The following CEP76 variants were observed in gnomAD, a reference collection of about 807,000 sequenced individuals.
CEP76 encodes the protein centrosomal protein of 76 kDa.
A neutral mutation model predicts 83.3 loss-of-function variants in CEP76; 55 were observed. The ratio of observed to expected loss-of-function variants is 0.66; its 90% CI spans 0.53 to 0.83. The LOEUF is 0.83. Ranked by LOEUF, CEP76 falls within the 40% of genes least tolerant of loss-of-function variation. CEP76 has a pLI of 0.00. For missense variants in CEP76, 694 were observed against 799.5 expected, an observed-to-expected ratio of 0.87 and a Z score of 1.59; for synonymous variants, 270 against 274.5, an observed-to-expected ratio of 0.98 and a Z score of 0.16.
chr18:12,698,263 CTG>C (rs2040029815), intron 4 of CEP76, among the ~76,000 whole-genome samples: 1 of 151,944 alleles, frequency 6.6e-6, no homozygotes, highest in Non-Finnish European at 1.5e-5. Context: ...GAGTCTCACT[CTG>C]TTGCCCAGGC....
intron 7 of CEP76, 133 bp from the exon 8 acceptor site, chr18:12,686,583 G>T: frequency 1.6e-6 from 1 of 644,056 alleles, no homozygotes; most frequent in Non-Finnish European, 2.6e-6. Context: ...TCCAGTATTT[G>T]GCTGCAAAGT....
chr18:12,690,635 T>C (rs1467781461), intron 7 of CEP76, among the ~76,000 whole-genome samples: 2 of 152,134 alleles, frequency 1.3e-5, no homozygotes, highest in African/African-American at 2.4e-5. Context: ...TTTTGTGTTT[T>C]TAGTAGAAAC....
intron 10 of CEP76, among the ~76,000 whole-genome samples, chr18:12,677,845 ACT>A (rs1158151908): frequency 1.1e-4 from 17 of 152,134 alleles, no homozygotes; most frequent in African/African-American, 4.1e-4. Flanking sequence ...AAAAATCTTG[ACT>A]CTAAGGGATG....
intron 10 of CEP76, among the ~76,000 whole-genome samples, chr18:12,676,281 T>TC (rs2039130184): frequency 7.2e-6 from 1 of 138,910 alleles, no homozygotes; most frequent in Non-Finnish European, 1.6e-5. Context: ...AGTAATTCCT[T>TC]TTTTTTTTTT....
In CEP76 at chr18:12,686,491, C is replaced by T. The variant is rs369751239; in HGVS notation, c.934-41G>A. ...AAAACATCTGTAATGACATATTAAT[C>T]ATCCCCAATTATGTTTTTTTCAAAT... is the stretch of plus-strand genomic sequence containing the variant. On this transcript the variant is annotated intron_variant, in intron 7 of 11. Coordinates refer to ENST00000262127, the MANE Select transcript of CEP76 (RefSeq NM_024899.4). 15 of 1,392,290 alleles carry T rather than the reference C, an allele frequency of 1.1e-5. No individual in the cohort carries two copies. In the African/African-American group the frequency reaches 2.0e-4, roughly 19 times the overall value. The allele number at this position is 1,392,290 out of a possible 1,614,324, so 86.2% of individuals were successfully genotyped here.
At position 12,673,101 on chromosome 18, in the gene CEP76, G is replaced by T; in HGVS notation, c.*264C>A. ...ATTAATATTTAAACTACTGATAACT[G>T]TAAACAAAGTAGCATTTATTAAAAT... On this transcript the variant is annotated 3_prime_UTR_variant, in exon 12 of 12. Coordinates refer to ENST00000262127, the MANE Select transcript of CEP76 (RefSeq NM_024899.4). The T allele has an allele frequency of 9.7e-7, 1 of 1,029,020 alleles. No individual in the cohort carries two copies. The highest frequency in any genetic ancestry group is 1.2e-6 in the Non-Finnish European group (1 of 838,360). The allele number at this position is 1,029,020 out of a possible 1,614,324, so 63.7% of individuals were successfully genotyped here.
downstream of CEP76, chr18:12,670,331 A>G (rs1468633758): frequency 1.3e-5 from 2 of 149,390 alleles, no homozygotes; most frequent in African/African-American, 4.9e-5. Flanking sequence ...CTCTGTCTCA[A>G]AAAAAAAAGA....
rs758260642 is a variant in CEP76 at position 12,699,904 on chromosome 18, T to C, written c.221A>G (p.Asp74Gly). Residue 74 changes from aspartate (D) to glycine (G), a missense_variant and splice_region_variant, in exon 3 of 12, where the codon GAC (aspartate) becomes GGC (glycine). By Grantham distance (94) the Asp-to-Gly change is moderately conservative (BLOSUM62 -1). Transcript: ENST00000262127. ...GGAAGGGAGTTCTTGCTCAACACTG[T>C]CCTAGAAAGGCAGGAAAAAAAAATC... ...DVMKELNFVT[D>G]SVEQELPSSP... The C allele has an allele frequency of 6.3e-7, 1 of 1,579,110 alleles. No individual in the cohort carries two copies. Among genetic ancestry groups the C allele is most frequent in the African/African-American group, 1.4e-5 (1 of 73,394 alleles).
chr18:12,691,646 C>T (rs532925048), intron 6 of CEP76, among the ~76,000 whole-genome samples, 159 bp from the exon 7 acceptor site: 1 of 152,080 alleles, frequency 6.6e-6, no homozygotes, highest in Admixed American at 6.6e-5. Context: ...TCTACACTTA[C>T]CCCTAGTACA....
Position 12,699,874 on chromosome 18 carries a change from G to A in CEP76, c.251C>T (p.Pro84Leu). 1 of 1,594,938 alleles carries A rather than the reference G, an allele frequency of 6.3e-7. No homozygotes were observed. The highest frequency in any genetic ancestry group is 1.1e-5 in the South Asian group (1 of 87,432). The stretch of plus-strand genomic sequence containing the variant: ...TCTATCAAAACAAATAGGTTGTTTT[G>A]GAGAGGAAGGGAGTTCTTGCTCAAC... ...DSVEQELPSS[P>L]KQPICFDRQS... The change falls in exon 3 of 12, where the codon CCA becomes CTA. Residue 84 changes from proline (P) to leucine (L), a missense_variant. By Grantham distance (98) the Pro-to-Leu change is moderately conservative. Coordinates refer to ENST00000262127, the MANE Select transcript of CEP76 (RefSeq NM_024899.4).
chr18:12,665,684 A>C (rs1286857404), intron 12 of CEP76, among the ~76,000 whole-genome samples: 1 of 152,108 alleles, frequency 6.6e-6, no homozygotes, highest in African/African-American at 2.4e-5. Flanking sequence ...TTTTAAACAA[A>C]CTTCTTAAAA....
chr18:12,678,784 C>T (rs35082337), intron 9 of CEP76, among the ~76,000 whole-genome samples: 13,567 of 151,780 alleles, frequency 0.089, 843 homozygotes, highest in Non-Finnish European at 0.13. Context: ...GGTGAAACCC[C>T]GTCTCTGCTA....
chr18:12,664,569 G>C (rs1161517937), intron 12 of CEP76, among the ~76,000 whole-genome samples: 1 of 152,014 alleles, frequency 6.6e-6, no homozygotes, highest in Admixed American at 6.6e-5. Flanking sequence ...AAAATTTGTA[G>C]AGAAGGGGTC....
intron 1 of CEP76, among the ~76,000 whole-genome samples, chr18:12,701,340 C>T (rs577726210): frequency 6.6e-6 from 1 of 152,222 alleles, no homozygotes; most frequent in South Asian, 2.1e-4. Flanking sequence ...CAACACTCAA[C>T]CAAAAGGAAT....
chr18:12,669,608 G>C (rs2038888030), downstream of CEP76, among the ~76,000 whole-genome samples: 1 of 152,050 alleles, frequency 6.6e-6, no homozygotes. Context: ...ATATTGTCAA[G>C]AACACCACCT....
At chr18:12,684,467 G>A (rs2072630285) in intron 8 of CEP76, 1 of 146,862 alleles carries the variant, frequency 6.8e-6, no homozygotes. Context: ...CTGTCACCCA[G>A]GCTAAAGATA....
At chr18:12,691,974 C>T (rs1040435197) in intron 6 of CEP76, among the ~76,000 whole-genome samples, 1 of 152,112 alleles carries the variant, frequency 6.6e-6, no homozygotes, top group African/African-American at 2.4e-5. Flanking sequence ...CCGCCTTGGC[C>T]TCCCAAAGTG....
At chr18:12,669,889 T>A (rs535730626), downstream of CEP76, among the ~76,000 whole-genome samples, 2 of 149,418 alleles carry the variant, frequency 1.3e-5, no homozygotes, top group African/African-American at 5.0e-5. Context: ...CCCAGCTACT[T>A]GGGAGGCTGA....
At position 12,700,988 on chromosome 18, in the gene CEP76, G is replaced by A. The variant is rs1169842815; in HGVS notation, c.189C>T (p.Asp63=). The stretch of plus-strand genomic sequence containing the variant: ...CAAAATTAAGTTCTTTCATCACATC[G>A]TCAATGATTCCTCGACGTCTAAGGG... ...IKALRRRGII[D]DVMKELNFVT... Residue 63 remains aspartate (D), a synonymous_variant, in exon 2 of 12, where the codon GAC becomes GAT. Coordinates refer to ENST00000262127, the MANE Select transcript of CEP76 (RefSeq NM_024899.4). The A allele has an allele frequency of 6.2e-6, 10 of 1,612,804 alleles. No individual in the cohort carries two copies. The highest frequency in any genetic ancestry group is 8.5e-6 in the Non-Finnish European group (10 of 1,179,662).
Sources: allele counts gnomAD v4.1 joint callset (sites outside exome capture counted in the v4.1 genomes callset), GRCh38; gene constraint gnomAD v4.1.1; transcripts MANE v1.5; gene names NCBI Gene and HGNC (gene_info 2026-07-23, HGNC 2026-07-21).